The following BMAL1 variants were observed in gnomAD, a reference collection of about 807,000 sequenced individuals.
BMAL1 encodes basic helix-loop-helix ARNT-like protein 1.
the BMAL1 span, chr11:13,354,166 G>C: frequency 1.2e-5 from 10 of 868,228 alleles, no homozygotes; most frequent in Non-Finnish European, 1.6e-5. Flanking sequence ...ATGCATTAGT[G>C]CTGCTGTAAA....
At chr11:13,329,200 A>G in the BMAL1 span, among the ~76,000 whole-genome samples, 38,450 of 151,806 alleles carry the variant, frequency 0.25, 5,103 homozygotes, top group East Asian at 0.45. Flanking sequence ...CACAGGAAGG[A>G]CCCCTTTACG....
the BMAL1 span, among the ~76,000 whole-genome samples, chr11:13,382,094 A>G: frequency 6.6e-6 from 1 of 152,120 alleles, no homozygotes; most frequent in African/African-American, 2.4e-5. Flanking sequence ...TCAGGTTACC[A>G]AGAGCTGTGG....
chr11:13,367,242 T>C, the BMAL1 span, among the ~76,000 whole-genome samples: 2 of 152,120 alleles, frequency 1.3e-5, no homozygotes, highest in Non-Finnish European at 2.9e-5. Context: ...TTAGGTTGGC[T>C]CCCCCACCTG....
chr11:13,284,110 G>GTGTGTATA, the BMAL1 span, among the ~76,000 whole-genome samples: 5 of 48,514 alleles, frequency 1.0e-4, no homozygotes, highest in Admixed American at 5.9e-4. Context: ...GTGTGTGTGT[G>GTGTGTATA]TATATATATG....
the BMAL1 span, chr11:13,385,834 A>C: frequency 3.5e-6 from 5 of 1,446,678 alleles, no homozygotes; most frequent in Non-Finnish European, 4.9e-6. Context: ...TGAGCTTGCA[A>C]AACATCTTAC....
chr11:13,319,073 C>G, the BMAL1 span, among the ~76,000 whole-genome samples: 1 of 152,166 alleles, frequency 6.6e-6, no homozygotes, highest in African/African-American at 2.4e-5. Flanking sequence ...GATACTTTCC[C>G]TTTTGTTTTC....
the BMAL1 span, among the ~76,000 whole-genome samples, chr11:13,303,360 G>C: frequency 2.0e-5 from 3 of 152,210 alleles, no homozygotes; most frequent in African/African-American, 7.2e-5. Context: ...TGGGGAGGTA[G>C]AGATCATATA....
chr11:13,369,213 C>T, the BMAL1 span, among the ~76,000 whole-genome samples: 1 of 152,218 alleles, frequency 6.6e-6, no homozygotes, highest in Non-Finnish European at 1.5e-5. Flanking sequence ...AGTGCCAGCC[C>T]AAGTTCCTTC....
chr11:13,360,391 A>G, the BMAL1 span: 2 of 1,613,898 alleles, frequency 1.2e-6, no homozygotes, highest in African/African-American at 2.7e-5. Flanking sequence ...CAACTTTTCT[A>G]TCAGACGATG....
At chr11:13,284,193 TG>T in the BMAL1 span, among the ~76,000 whole-genome samples, 2 of 40,700 alleles carry the variant, frequency 4.9e-5, no homozygotes, top group African/African-American at 1.7e-4. Flanking sequence ...TATATATATA[TG>T]TGTGTATATA....
chr11:13,313,732 A>G, the BMAL1 span, among the ~76,000 whole-genome samples: 1 of 151,950 alleles, frequency 6.6e-6, no homozygotes, highest in African/African-American at 2.4e-5. Context: ...CCACATTCCT[A>G]TCAACGTGAT....
chr11:13,353,501 CAT>C, the BMAL1 span: 2 of 152,288 alleles, frequency 1.3e-5, no homozygotes, highest in East Asian at 3.9e-4. Context: ...TTTCCTTGAT[CAT>C]ATGTTTATTG....
the BMAL1 span, among the ~76,000 whole-genome samples, chr11:13,332,606 T>C: frequency 6.6e-6 from 1 of 152,224 alleles, no homozygotes; most frequent in Non-Finnish European, 1.5e-5. Context: ...AAGTTAACAC[T>C]ATTTCATGAT....
At chr11:13,284,112 A>G in the BMAL1 span, among the ~76,000 whole-genome samples, 1,125 of 58,288 alleles carry the variant, frequency 0.019, 74 homozygotes, top group African/African-American at 0.077. Flanking sequence ...GTGTGTGTGT[A>G]TATATATGTG....
At chr11:13,279,088 C>A in the BMAL1 span, among the ~76,000 whole-genome samples, 3 of 152,216 alleles carry the variant, frequency 2.0e-5, no homozygotes, top group African/African-American at 7.2e-5. Context: ...ACCTCCTGAC[C>A]CCTCTCCCCT....
At chr11:13,385,278 G>C in the BMAL1 span, among the ~76,000 whole-genome samples, 14 of 152,298 alleles carry the variant, frequency 9.2e-5, no homozygotes, top group African/African-American at 3.1e-4. Flanking sequence ...CTTGAGCTGT[G>C]TCTCTTCACA....
At chr11:13,374,692 G>A in the BMAL1 span, among the ~76,000 whole-genome samples, 29 of 152,106 alleles carry the variant, frequency 1.9e-4, no homozygotes, top group African/African-American at 6.3e-4. Flanking sequence ...TCAGGCCCTC[G>A]TGCCTACTTA....
the BMAL1 span, among the ~76,000 whole-genome samples, chr11:13,348,178 C>A: frequency 2.6e-5 from 4 of 152,204 alleles, no homozygotes; most frequent in Non-Finnish European, 5.9e-5. Context: ...TATCAGGTGA[C>A]TGGGTGGTTG....
At chr11:13,351,990 C>G in the BMAL1 span, among the ~76,000 whole-genome samples, 1 of 152,126 alleles carries the variant, frequency 6.6e-6, no homozygotes, top group Admixed American at 6.6e-5. Flanking sequence ...TGTTTTCACC[C>G]AAGTGGAAAT....
Sources: allele counts gnomAD v4.1 joint callset (sites outside exome capture counted in the v4.1 genomes callset), GRCh38; gene constraint gnomAD v4.1.1; transcripts MANE v1.5; gene names NCBI Gene and HGNC (gene_info 2026-07-23, HGNC 2026-07-21).